CNTN5: variants seen among roughly 807,000 people sequenced by gnomAD.
CNTN5 encodes the protein contactin-5.
In CNTN5, 77 loss-of-function variants were observed where a neutral mutation model predicts 129.1. That is an observed-to-expected ratio of 0.60 (90% CI 0.50 to 0.72). The LOEUF is 0.72. CNTN5 is among the 30% of genes least tolerant of loss of function. The pLI is 0.00. For synonymous variants in CNTN5, 509 were observed against 465.6 expected, an observed-to-expected ratio of 1.09 and a Z score of -1.20; for missense variants, 1,478 against 1,328.8, an observed-to-expected ratio of 1.11 and a Z score of -1.75.
chr11:99,481,491 A>G (rs1433556377), intron 2 of CNTN5, among the ~76,000 whole-genome samples: 19 of 152,146 alleles, frequency 1.2e-4, no homozygotes, highest in Non-Finnish European at 4.4e-5. Context: ...AGTAAAATAC[A>G]TTGACTTTTA....
intron 2 of CNTN5, among the ~76,000 whole-genome samples, chr11:99,357,894 C>T (rs991576596): frequency 6.6e-6 from 1 of 151,162 alleles, no homozygotes; most frequent in Admixed American, 6.6e-5. Context: ...GTCCCAGCTA[C>T]TCCGGAGGCC....
intron 3 of CNTN5, among the ~76,000 whole-genome samples, chr11:99,563,501 G>A (rs763736173): frequency 6.6e-6 from 1 of 152,148 alleles, no homozygotes; most frequent in Non-Finnish European, 1.5e-5. Flanking sequence ...CATGAAGAAT[G>A]CATATTGCCT....
intron 9 of CNTN5, among the ~76,000 whole-genome samples, chr11:100,041,168 A>T (rs770810988): frequency 3.9e-5 from 6 of 152,128 alleles, no homozygotes; most frequent in Non-Finnish European, 7.3e-5. Context: ...CAGCTCCAGG[A>T]GTTAGCATAG....
intron 21 of CNTN5, among the ~76,000 whole-genome samples, chr11:100,319,781 C>T (rs1025585173): frequency 6.6e-6 from 1 of 152,148 alleles, no homozygotes; most frequent in Non-Finnish European, 1.5e-5. Context: ...TTAGAGTCCA[C>T]ATATGGGTAA....
chr11:99,432,825 T>C (rs1190892739), intron 2 of CNTN5, among the ~76,000 whole-genome samples: 1 of 151,456 alleles, frequency 6.6e-6, no homozygotes, highest in African/African-American at 2.4e-5. Context: ...GGCGGAAGTA[T>C]GATGGGTGGC....
chr11:99,326,884 C>A (rs932313087), intron 2 of CNTN5, among the ~76,000 whole-genome samples: 1 of 152,162 alleles, frequency 6.6e-6, no homozygotes, highest in South Asian at 2.1e-4. Flanking sequence ...ATTTTGCCAT[C>A]AAAGTTCTAT....
chr11:100,153,952 C>G (rs932279264), intron 13 of CNTN5, among the ~76,000 whole-genome samples: 6 of 152,040 alleles, frequency 3.9e-5, no homozygotes, highest in Non-Finnish European at 8.8e-5. Context: ...TTCTCTGCTA[C>G]TGAACTAAGC....
intron 3 of CNTN5, among the ~76,000 whole-genome samples, chr11:99,772,460 C>G (rs989930646): frequency 3.3e-5 from 5 of 152,052 alleles, no homozygotes; most frequent in Admixed American, 3.3e-4. Context: ...TTGCTCCTGA[C>G]ATATTCCTGT....
chr11:99,361,402 G>A (rs1311989054), intron 2 of CNTN5, among the ~76,000 whole-genome samples: 4 of 152,046 alleles, frequency 2.6e-5, no homozygotes, highest in Non-Finnish European at 5.9e-5. Flanking sequence ...TAGTATCTGG[G>A]ACTAATATTG....
chr11:100,019,377 C>T (rs1941005940), intron 9 of CNTN5, among the ~76,000 whole-genome samples: 1 of 151,888 alleles, frequency 6.6e-6, no homozygotes, highest in Non-Finnish European at 1.5e-5. Context: ...TTGGTCATCA[C>T]CATTCTACTC....
intron 3 of CNTN5, among the ~76,000 whole-genome samples, chr11:99,727,442 G>A (rs1351000248): frequency 1.3e-5 from 2 of 150,660 alleles, no homozygotes; most frequent in Admixed American, 1.3e-4. Context: ...GATATGACAA[G>A]ATAGAGCATG....
At chr11:99,502,774 A>C (rs532055076) in intron 2 of CNTN5, among the ~76,000 whole-genome samples, 1 of 152,338 alleles carries the variant, frequency 6.6e-6, no homozygotes, top group East Asian at 1.9e-4. Flanking sequence ...ACCCTCCTAG[A>C]GGTAAACTAA....
intron 3 of CNTN5, among the ~76,000 whole-genome samples, chr11:99,595,311 G>C (rs1950092713): frequency 6.6e-6 from 1 of 152,040 alleles, no homozygotes; most frequent in Non-Finnish European, 1.5e-5. Context: ...AAACATCACA[G>C]TGTACCCCAT....
At chr11:99,039,990 G>A (rs1295799789) in intron 1 of CNTN5, among the ~76,000 whole-genome samples, 6 of 152,034 alleles carry the variant, frequency 3.9e-5, no homozygotes, top group Non-Finnish European at 7.4e-5. Context: ...ATTGTTTCAT[G>A]CAGAGAAGAG....
chr11:99,376,142 T>C (rs1223598858), intron 2 of CNTN5, among the ~76,000 whole-genome samples: 1 of 152,220 alleles, frequency 6.6e-6, no homozygotes, highest in Non-Finnish European at 1.5e-5. Flanking sequence ...TTATAAAAGT[T>C]ATAATTTGGA....
chr11:99,064,913 T>C (rs11218279), intron 1 of CNTN5, among the ~76,000 whole-genome samples: 47,002 of 151,660 alleles, frequency 0.31, 7,489 homozygotes, highest in South Asian at 0.39. Context: ...AATTAAATCA[T>C]GTATAAATGT....
intron 2 of CNTN5, among the ~76,000 whole-genome samples, chr11:99,470,936 TATTCCTGTAAGTCTTC>T (rs1945147643): frequency 6.6e-6 from 1 of 152,110 alleles, no homozygotes; most frequent in South Asian, 2.1e-4. Context: ...AGATCTTATT[TATTCCTGTAAGTCTTC>T]ATTAGTCAAG....
intron 8 of CNTN5, among the ~76,000 whole-genome samples, chr11:100,000,559 G>C (rs961747562): frequency 6.6e-6 from 1 of 152,178 alleles, no homozygotes; most frequent in South Asian, 2.1e-4. Flanking sequence ...TGGGTGCTCA[G>C]TGCAAGCTGT....
chr11:99,056,861 C>A (rs538060250), intron 1 of CNTN5, among the ~76,000 whole-genome samples: 1 of 152,166 alleles, frequency 6.6e-6, no homozygotes, highest in South Asian at 2.1e-4. Flanking sequence ...TTACCTTTTA[C>A]TTGTAAATGG....
Sources: gnomAD v4.1 joint callset for allele counts (sites outside exome capture counted in the v4.1 genomes callset) on GRCh38, gnomAD v4.1.1 for gene constraint, MANE v1.5 for transcripts, NCBI Gene and HGNC (gene_info 2026-07-23, HGNC 2026-07-21) for gene names.